Variants in SGCZ observed in about 807,000 individuals in gnomAD.
The protein encoded by SGCZ is sarcoglycan zeta.
In SGCZ, 40 loss-of-function variants were observed where a neutral mutation model predicts 41.3. The observed-to-expected ratio is 0.97, with a 90% CI of 0.75 to 1.26. SGCZ has a LOEUF of 1.26. SGCZ is among the 50% of genes most tolerant of loss of function. SGCZ has a pLI of 0.00. For missense variants in SGCZ, 552 were observed against 369.8 expected (o/e 1.49, Z -4.04); for synonymous variants, 206 against 137.5 (o/e 1.50, Z -3.49).
intron 1 of SGCZ, among the ~76,000 whole-genome samples, chr8:15,019,963 T>C (rs570125352): frequency 1.3e-5 from 2 of 151,714 alleles, no homozygotes; most frequent in East Asian, 1.9e-4. Flanking sequence ...ATCATTTATA[T>C]ATTATTAAAA....
chr8:14,201,219 C>G (rs1180042418), intron 4 of SGCZ, among the ~76,000 whole-genome samples: 1 of 152,020 alleles, frequency 6.6e-6, no homozygotes, highest in African/African-American at 2.4e-5. Context: ...TTGAAATGTT[C>G]TAATATGAAT....
At chr8:14,155,135 G>A (rs1460231030) in intron 5 of SGCZ, among the ~76,000 whole-genome samples, 3 of 152,130 alleles carry the variant, frequency 2.0e-5, no homozygotes, top group Admixed American at 2.0e-4. Flanking sequence ...CTAGAATCAC[G>A]TGGTATACAC....
intron 1 of SGCZ, among the ~76,000 whole-genome samples, chr8:14,624,550 T>TTATTATTAC (rs1380933616): frequency 8.5e-5 from 3 of 35,170 alleles, no homozygotes; most frequent in Non-Finnish European, 2.1e-4. Flanking sequence ...AATTTTATTA[T>TTATTATTAC]TATTATTTTT....
At chr8:14,209,770 C>G (rs1031349656) in intron 4 of SGCZ, among the ~76,000 whole-genome samples, 3 of 151,960 alleles carry the variant, frequency 2.0e-5, no homozygotes, top group African/African-American at 4.8e-5. Flanking sequence ...TAAACGAGAG[C>G]TGGGATCAAA....
In SGCZ at chr8:14,656,556, T is replaced by C. The variant is rs1276427659; in HGVS notation, c.40-101630A>G. ...TTTTTTCTTTCTTTCCCTTTCTTTT[T>C]CTTTCTTTTCCTTCCCTGCTTCTTT... is the stretch of plus-strand genomic sequence containing the variant. On this transcript the variant is annotated intron_variant, in intron 1 of 7. Transcript: ENST00000382080. 2.7e-5 allele frequency among the ~76,000 whole-genome samples: 4 copies of C among 150,532 alleles called. No homozygotes were observed. The Admixed American group carries it at 2.7e-4, about 10-fold the overall frequency.
intron 1 of SGCZ, among the ~76,000 whole-genome samples, chr8:15,210,499 C>T (rs1801201202): frequency 6.6e-6 from 1 of 152,230 alleles, no homozygotes; most frequent in South Asian, 2.1e-4. Context: ...CTGACTTTAC[C>T]CTTTGCCTCT....
intron 1 of SGCZ, among the ~76,000 whole-genome samples, chr8:14,906,330 C>T (rs1310899897): frequency 2.0e-5 from 3 of 152,046 alleles, no homozygotes; most frequent in African/African-American, 7.2e-5. Context: ...TTCTTGAATA[C>T]TCTTAAAAAG....
rs1397997388 is a variant in SGCZ at position 14,551,537 on chromosome 8, TATATAATATATATAATATATA to T, written c.234+3174_234+3194del. ...TATATTATATATAATATATATAATA[TATATAATATATATAATATATA>T]TTATATATATAATATATATATAATA... is the stretch of plus-strand genomic sequence containing the variant. On this transcript the variant is annotated intron_variant, in intron 2 of 7. Transcript: ENST00000382080. Among the ~76,000 whole-genome samples the T allele has an allele frequency of 2.4e-3, 12 of 4,940 alleles. 1 individual carries two copies. Among genetic ancestry groups the T allele is most frequent in the South Asian group, 4.8e-3 (1 of 208 alleles). 3.2% of individuals were successfully genotyped at this position (4,940 alleles called of 152,430 possible). A position where few individuals can be genotyped will look rare whatever the true frequency, so the allele number is the denominator to read the frequency against.
chr8:14,464,044 T>C (rs376427033), intron 2 of SGCZ, among the ~76,000 whole-genome samples: 24 of 151,710 alleles, frequency 1.6e-4, no homozygotes, highest in Non-Finnish European at 8.9e-5. Flanking sequence ...TGGAGCTTTG[T>C]ATCAATGTTC....
chr8:15,035,564 A>G (rs1401992153), intron 1 of SGCZ, among the ~76,000 whole-genome samples: 1 of 152,142 alleles, frequency 6.6e-6, no homozygotes, highest in Non-Finnish European at 1.5e-5. Flanking sequence ...GTAGCTAAAT[A>G]AATGAAAACA....
intron 1 of SGCZ, among the ~76,000 whole-genome samples, chr8:15,131,241 A>G (rs756816409): frequency 2.0e-5 from 3 of 152,150 alleles, no homozygotes; most frequent in Non-Finnish European, 2.9e-5. Flanking sequence ...AGTGGGAGAT[A>G]ACTGAACCAT....
At chr8:14,528,600 G>A (rs760036617) in intron 2 of SGCZ, among the ~76,000 whole-genome samples, 3 of 152,010 alleles carry the variant, frequency 2.0e-5, no homozygotes, top group Non-Finnish European at 4.4e-5. Flanking sequence ...GTGGTTGTCA[G>A]TTTGATCCTC....
At chr8:14,640,601 A>G (rs1806988549) in intron 1 of SGCZ, among the ~76,000 whole-genome samples, 1 of 140,522 alleles carries the variant, frequency 7.1e-6, no homozygotes. Flanking sequence ...AAACCAAAAC[A>G]CCACACATAT....
At chr8:14,370,541 C>A (rs73664329) in intron 2 of SGCZ, among the ~76,000 whole-genome samples, 1 of 151,628 alleles carries the variant, frequency 6.6e-6, no homozygotes, top group Non-Finnish European at 1.5e-5. Context: ...AGATTTGATA[C>A]CTAAATCTTT....
intron 1 of SGCZ, among the ~76,000 whole-genome samples, chr8:15,137,972 G>A (rs1033841762): frequency 2.0e-5 from 3 of 152,118 alleles, no homozygotes; most frequent in Non-Finnish European, 2.9e-5. Flanking sequence ...TGCCACAGAC[G>A]CTCAAAGCCA....
chr8:14,243,028 T>C (rs903209666), intron 3 of SGCZ, among the ~76,000 whole-genome samples: 1 of 152,222 alleles, frequency 6.6e-6, no homozygotes, highest in Non-Finnish European at 1.5e-5. Context: ...CAGGTTTTGG[T>C]AGCATGACCT....
At chr8:14,235,401 T>C (rs1238560858) in intron 4 of SGCZ, among the ~76,000 whole-genome samples, 1 of 152,246 alleles carries the variant, frequency 6.6e-6, no homozygotes, top group Non-Finnish European at 1.5e-5. Context: ...GTCATTAACT[T>C]AATAATTTGC....
intron 7 of SGCZ, among the ~76,000 whole-genome samples, chr8:14,098,982 A>C (rs1158875067): frequency 6.6e-6 from 1 of 152,196 alleles, no homozygotes; most frequent in Non-Finnish European, 1.5e-5. Context: ...AGTGCTTAAA[A>C]TTCCATAAGT....
chr8:14,679,966 G>T (rs1256656523), intron 1 of SGCZ, among the ~76,000 whole-genome samples: 1 of 151,980 alleles, frequency 6.6e-6, no homozygotes, highest in East Asian at 1.9e-4. Context: ...ACAGTAAAAT[G>T]GTTTACAGGT....
Sources: gnomAD v4.1 joint callset for allele counts (sites outside exome capture counted in the v4.1 genomes callset) on GRCh38, gnomAD v4.1.1 for gene constraint, MANE v1.5 for transcripts, NCBI Gene and HGNC (gene_info 2026-07-23, HGNC 2026-07-21) for gene names.